The following CANX variants were observed in gnomAD, a reference collection of about 807,000 sequenced individuals.
The protein encoded by CANX is calnexin, also known as epididymis secretory sperm binding protein.
In CANX, 14 loss-of-function variants were observed where a neutral mutation model predicts 75.7. That is an observed-to-expected ratio of 0.19 (90% CI 0.12 to 0.29). The LOEUF is 0.29. Among genes scored for constraint, CANX ranks in the 10% least tolerant of loss-of-function variants. CANX has a pLI of 1.00. For synonymous variants in CANX, 227 were observed against 236.9 expected (o/e 0.96, Z 0.38); for missense variants, 567 against 713.2 (o/e 0.79, Z 2.34).
intron 1 of CANX, among the ~76,000 whole-genome samples, chr5:179,685,810 C>T (rs1562434391): frequency 6.6e-6 from 1 of 151,978 alleles, no homozygotes; most frequent in Non-Finnish European, 1.5e-5. Context: ...CTGCCCTGGC[C>T]TCCCAAAGTG....
intron 1 of CANX, chr5:179,680,779 A>G (rs760672156): frequency 5.0e-5 from 48 of 951,644 alleles, no homozygotes; most frequent in Non-Finnish European, 6.7e-5. Flanking sequence ...GAGAAGAGAA[A>G]GAACTAGAGC....
chr5:179,704,950 A>C (rs1040762916), intron 1 of CANX, among the ~76,000 whole-genome samples: 11 of 152,292 alleles, frequency 7.2e-5, no homozygotes, highest in African/African-American at 2.2e-4. Flanking sequence ...TATTTGAGCA[A>C]CCGTATCCAT....
At chr5:179,694,427 G>C, upstream of CANX, 1 of 665,088 alleles carries the variant, frequency 1.5e-6, no homozygotes, top group African/African-American at 1.8e-5. Flanking sequence ...GACCAGCTAA[G>C]GGAGGCAAGA....
In CANX at chr5:179,726,688, C is replaced by G; in HGVS notation, c.1654C>G (p.Gln552Glu). 2 of 1,611,494 alleles carry G rather than the reference C, an allele frequency of 1.2e-6. No individual in the cohort carries two copies. The highest frequency in any genetic ancestry group is 1.1e-5 in the South Asian group (1 of 90,998). ...TTTAACTTCTGTCTTAGAAGAGAAA[C>G]AGAAAAGTGATGCTGAAGAAGATGG... Reference protein sequence around the residue: ...EEGEEKLEEKQKSDAEEDGGT... With the variant: ...EEGEEKLEEKEKSDAEEDGGT... Residue 552 changes from glutamine to glutamate, a missense_variant, in exon 14 of 15, where the codon CAG becomes GAG. Around this residue, in one of 3 missense-constraint regions of CANX, gnomAD observed 167 missense variants for 179.3 expected, o/e 0.93. Transcript: ENST00000247461.
In CANX at chr5:179,710,038, G is replaced by A. The variant is rs1777425790; in HGVS notation, c.694G>A (p.Asp232Asn). 1.2e-6 allele frequency: 2 copies of A among 1,606,382 alleles called. No homozygotes were observed. Among genetic ancestry groups the A allele is most frequent in the Non-Finnish European group, 1.7e-6 (2 of 1,175,102 alleles). The change falls in exon 7 of 15, where the codon GAT becomes AAT. Residue 232 changes from aspartate (D) to asparagine (N), a missense_variant. Asp to Asn is a conservative substitution (Grantham distance 23). This residue lies in a region of CANX where 351 missense variants were observed against 433.8 expected (regional missense o/e 0.81). Coordinates refer to ENST00000247461, the MANE Select transcript of CANX (RefSeq NM_001746.4). ...PDADLKTYFT[D>N]KKTHLYTLIL... ...TGCAGATCTGAAGACCTATTTTACT[G>A]ATAAGAAAACACATCTTTACACACT...
chr5:179,702,714 A>G (rs1776853175), intron 1 of CANX, among the ~76,000 whole-genome samples: 1 of 151,668 alleles, frequency 6.6e-6, no homozygotes, highest in Non-Finnish European at 1.5e-5. Context: ...TGTTTGTTTA[A>G]GGCAGTCTTA....
At position 179,728,623 on chromosome 5, in the gene CANX, CAGAA is replaced by C. The variant is rs1778817819; in HGVS notation, c.1761_1764del (p.Arg587SerfsTer12). On this transcript the variant is annotated frameshift_variant, in exon 15 of 15. Transcript: ENST00000247461. LOFTEE classifies it high-confidence loss of function. ...AAATTTTGAACAGATCACCAAGAAA[CAGAA>C]AGCCACGAAGAGAGTGAAACAATCT... 3.1e-6 allele frequency: 5 copies of C among 1,608,490 alleles called. No homozygotes were observed. The highest frequency in any genetic ancestry group is 1.7e-4 in the Middle Eastern group (1 of 6,032).
intron 1 of CANX, 148 bp downstream of exon 1, chr5:179,699,250 G>A: frequency 5.0e-6 from 2 of 399,890 alleles, no homozygotes; most frequent in Non-Finnish European, 6.8e-6. Context: ...CGCGCCCGCC[G>A]TGAGCGAGGA....
At chr5:179,718,551 G>A (rs113735911) in intron 8 of CANX, among the ~76,000 whole-genome samples, 4 of 146,036 alleles carry the variant, frequency 2.7e-5, no homozygotes, top group African/African-American at 7.6e-5. Context: ...TTTTTGAGAC[G>A]GAGCTTCGCT....
chr5:179,719,371 G>T (rs1008248901), intron 8 of CANX, among the ~76,000 whole-genome samples: 2 of 152,026 alleles, frequency 1.3e-5, no homozygotes, highest in Non-Finnish European at 2.9e-5. Context: ...GCATCTTTTC[G>T]TGTGCTTATT....
intron 4 of CANX, among the ~76,000 whole-genome samples, chr5:179,707,540 C>T (rs759846580): frequency 1.4e-5 from 2 of 146,836 alleles, no homozygotes; most frequent in South Asian, 2.1e-4. Flanking sequence ...GCCGAGAACG[C>T]GCCACTGCAC....
rs957188547 is a variant in CANX, at chr5:179,721,966, G to A, written c.1183-838G>A. 2.6e-5 allele frequency among the ~76,000 whole-genome samples: 4 copies of A among 151,808 alleles called. No individual in the cohort carries two copies. In the South Asian group the frequency reaches 6.2e-4, roughly 24 times the overall value. On this transcript the variant is annotated intron_variant, in intron 10 of 14. Coordinates refer to ENST00000247461, the MANE Select transcript of CANX (RefSeq NM_001746.4). ...ATTTTTTATTTTTTTCCTCATAGTC[G>A]TTAAAGATGTTATGTGAATGTATTT...
rs751566821 is a variant in CANX at position 179,707,199 on chromosome 5, C to T, written c.304+9C>T. On this transcript the variant is annotated intron_variant, in intron 4 of 14. Coordinates refer to ENST00000247461, the MANE Select transcript of CANX (RefSeq NM_001746.4). ...AATTGCCAAATATGATGGTGAGAATCCCATTTGGTTTAGATATAATAGCAG... is the reference window on the plus strand; with the variant it reads ...AATTGCCAAATATGATGGTGAGAATTCCATTTGGTTTAGATATAATAGCAG... 1 of 1,508,986 alleles carries T rather than the reference C, an allele frequency of 6.6e-7. No homozygotes were observed. Among genetic ancestry groups the T allele is most frequent in the Non-Finnish European group, 9.2e-7 (1 of 1,084,312 alleles). 93.5% of individuals were successfully genotyped at this position (1,508,986 alleles called of 1,614,324 possible).
chr5:179,709,281 G>T (rs2065110417), intron 6 of CANX, among the ~76,000 whole-genome samples: 1 of 152,122 alleles, frequency 6.6e-6, no homozygotes, highest in Admixed American at 6.6e-5. Context: ...AGGCGTGGTG[G>T]CAGGCGCCTG....
chr5:179,704,522 CT>C (rs1210864530), intron 1 of CANX: 1 of 130,830 alleles, frequency 7.6e-6, no homozygotes, highest in Non-Finnish European at 1.6e-5. Flanking sequence ...CAAGACTCAT[CT>C]CAGGAAAAAA....
In CANX at chr5:179,719,663, T is replaced by G. The variant is rs374279188; in HGVS notation, c.912-5T>G. 6.4e-7 allele frequency: 1 copy of G among 1,571,016 alleles called. No individual in the cohort carries two copies. Among genetic ancestry groups the G allele is most frequent in the Non-Finnish European group, 8.8e-7 (1 of 1,142,850 alleles). ...TCATAACTGGCTTTTTCTTTTGTAT[T>G]TAAGGGATGAAGATGCCCCTGCTAA... On this transcript the variant is annotated splice_polypyrimidine_tract_variant and splice_region_variant and intron_variant, in intron 8 of 14. Transcript: ENST00000247461.
At chr5:179,719,947 G>A (rs1562505011) in intron 9 of CANX, among the ~76,000 whole-genome samples, 166 bp downstream of exon 9, 2 of 151,850 alleles carry the variant, frequency 1.3e-5, no homozygotes, top group Admixed American at 1.3e-4. Flanking sequence ...TCAGCCTTGC[G>A]AGTAGCTGGG....
intron 7 of CANX, among the ~76,000 whole-genome samples, chr5:179,712,393 GGCATGCCTCTTTCTGA>G (rs1198863572): frequency 6.6e-6 from 1 of 151,434 alleles, no homozygotes; most frequent in Non-Finnish European, 1.5e-5. Flanking sequence ...ATCATAAATA[GGCATGCCTCTTTCTGA>G]AGAATATAAT....
At chr5:179,718,488 G>T (rs1453410180) in intron 8 of CANX, among the ~76,000 whole-genome samples, 1 of 152,120 alleles carries the variant, frequency 6.6e-6, no homozygotes, top group Non-Finnish European at 1.5e-5. Flanking sequence ...CTCCCAAAGT[G>T]CTGGGATTAC....
Sources: gnomAD v4.1 joint callset for allele counts (sites outside exome capture counted in the v4.1 genomes callset) on GRCh38, gnomAD v4.1.1 for gene constraint, gnomAD v4.1.1 regional missense constraint, MANE v1.5 for transcripts, NCBI Gene and HGNC (gene_info 2026-07-23, HGNC 2026-07-21) for gene names.